Variants in IAH1 observed in about 807,000 individuals in gnomAD.
The protein encoded by IAH1 is isoamyl acetate-hydrolyzing esterase 1 homolog.
Under a neutral mutation model 26.7 loss-of-function variants are expected in IAH1, and 24 were observed. The ratio of observed to expected loss-of-function variants is 0.90; its 90% CI spans 0.65 to 1.26. The LOEUF is 1.26. Ranked by LOEUF, IAH1 falls within the 50% of genes most tolerant of loss-of-function variation. IAH1 has a pLI of 0.00. For synonymous variants in IAH1, 140 were observed against 118.5 expected, an observed-to-expected ratio of 1.18 and a Z score of -1.18; for missense variants, 300 against 299.9, an observed-to-expected ratio of 1.00 and a Z score of 0.00.
At chr2:9,512,011 A>G in the IAH1 span, among the ~76,000 whole-genome samples, 1 of 119,092 alleles carries the variant, frequency 8.4e-6, no homozygotes, top group Non-Finnish European at 2.0e-5. Context: ...ATATATATAC[A>G]TATAAACTTA....
chr2:9,500,713 C>T (rs1391646866), downstream of IAH1, among the ~76,000 whole-genome samples: 1 of 152,032 alleles, frequency 6.6e-6, no homozygotes, highest in Non-Finnish European at 1.5e-5. Context: ...AGTCAAAAAA[C>T]ATCGCAAGGG....
the IAH1 span, among the ~76,000 whole-genome samples, chr2:9,507,693 C>T: frequency 6.6e-6 from 1 of 151,838 alleles, no homozygotes; most frequent in Non-Finnish European, 1.5e-5. Flanking sequence ...TCTTCCCAGG[C>T]CCCATTCTCA....
upstream of IAH1, chr2:9,474,536 G>GTGGCC: frequency 1.7e-6 from 2 of 1,200,554 alleles, no homozygotes; most frequent in Non-Finnish European, 2.2e-6. This position sits in a 1 kb window ranked among gnomAD's most constrained non-coding sequence, Gnocchi z 4.3. Context: ...CTCGTGGCTG[G>GTGGCC]CGGCCCCGCC....
At chr2:9,505,354 G>C in the IAH1 span, 1 of 1,613,908 alleles carries the variant, frequency 6.2e-7, no homozygotes, top group Non-Finnish European at 8.5e-7. Flanking sequence ...GTTTACTGCA[G>C]TTTGAAAACA....
downstream of IAH1, among the ~76,000 whole-genome samples, chr2:9,500,933 G>A (rs1477943030): frequency 1.3e-5 from 2 of 152,170 alleles, no homozygotes; most frequent in East Asian, 3.8e-4. Context: ...AAGCAGCTGT[G>A]GAAAATATCT....
At chr2:9,493,015 T>G, downstream of IAH1, 2 of 1,553,550 alleles carry the variant, frequency 1.3e-6, no homozygotes, top group Non-Finnish European at 1.8e-6. Context: ...AGTTAATGTC[T>G]TGACCAAGTA....
At chr2:9,491,247 C>T, downstream of IAH1, 1 of 1,142,136 alleles carries the variant, frequency 8.8e-7, no homozygotes, top group Non-Finnish European at 1.3e-6. Flanking sequence ...AACTGAAGAA[C>T]TTAGAACCTG....
Position 9,487,857 on chromosome 2 carries a change from G to A in IAH1, c.565-290G>A, listed in dbSNP as rs553625625. On this transcript the variant is annotated intron_variant, in intron 5 of 5. Transcript: ENST00000497473. ...GTGCGCGCGCGCGCGCGCGCTGTGG[G>A]GGGAGACAGTCTATCACCCAGGCTG... Among the ~76,000 whole-genome samples the A allele has an allele frequency of 2.7e-5, 4 of 149,988 alleles. No individual in the cohort carries two copies. In the South Asian group the frequency reaches 6.4e-4, roughly 24 times the overall value.
At chr2:9,487,831 T>TGTGTGTGTGTGC (rs1661661421) in intron 5 of IAH1, among the ~76,000 whole-genome samples, 1 of 80,172 alleles carries the variant, frequency 1.2e-5, no homozygotes, top group African/African-American at 4.7e-5. Flanking sequence ...TGTGTGTGTG[T>TGTGTGTGTGTGC]GTGCGCGCGC....
chr2:9,495,574 TGTG>T (rs1662512286), intron 6 of IAH1, among the ~76,000 whole-genome samples: 1 of 151,908 alleles, frequency 6.6e-6, no homozygotes, highest in Non-Finnish European at 1.5e-5. Context: ...ATTAGCCAGA[TGTG>T]GTGGTGCTTG....
At chr2:9,504,461 T>A in the IAH1 span, among the ~76,000 whole-genome samples, 10 of 127,118 alleles carry the variant, frequency 7.9e-5, no homozygotes, top group Non-Finnish European at 1.2e-4. Context: ...ATAAATAAAT[T>A]AAATTAAATA....
intron 4 of IAH1, 45 bp from the exon 5 acceptor site, chr2:9,484,387 C>T: frequency 7.1e-7 from 1 of 1,413,340 alleles, no homozygotes; most frequent in Non-Finnish European, 1.0e-6. Flanking sequence ...CAAGGGCCAG[C>T]ACTTGGGTTT....
intron 3 of IAH1, 109 bp downstream of exon 3, chr2:9,478,479 C>G (rs1418051571): frequency 9.3e-7 from 1 of 1,069,838 alleles, no homozygotes; most frequent in African/African-American, 1.6e-5. Context: ...CCAATAGATA[C>G]AGTTTTGCCA....
At chr2:9,497,346 A>G (rs145331927), downstream of IAH1, 205 of 1,515,132 alleles carry the variant, frequency 1.4e-4, no homozygotes, top group African/African-American at 2.6e-3. Context: ...TGAGCATCTT[A>G]CCTTGCAAAA....
chr2:9,474,876 C>T lies in IAH1; in HGVS notation c.81+229C>T. On this transcript the variant is annotated intron_variant, in intron 1 of 5. Transcript: ENST00000497473. This position sits in a 1 kb window ranked among gnomAD's most constrained non-coding sequence, Gnocchi z 4.3. ...CGTCCGCGAGAGCCCGGGCTCCAGG[C>T]ACAGACGCGAGGGGACCCGGCCGCG... 1 of 549,244 alleles carries T rather than the reference C, an allele frequency of 1.8e-6. No individual in the cohort carries two copies. The highest frequency in any genetic ancestry group is 2.7e-6 in the Non-Finnish European group (1 of 372,444). The allele number at this position is 549,244 out of a possible 1,614,324, so 34.0% of individuals were successfully genotyped here. A position where few individuals can be genotyped will look rare whatever the true frequency, so the allele number is the denominator to read the frequency against.
the IAH1 span, among the ~76,000 whole-genome samples, chr2:9,508,897 G>C: frequency 6.6e-6 from 1 of 151,930 alleles, no homozygotes; most frequent in African/African-American, 2.4e-5. Context: ...TTGTCAAGCA[G>C]AGGAAAAATA....
downstream of IAH1, chr2:9,490,117 TTGTA>T (rs1290651004): frequency 8.3e-6 from 11 of 1,326,316 alleles, no homozygotes; most frequent in African/African-American, 1.5e-4. Context: ...TGTGATTGAT[TTGTA>T]GGTCAAATCT....
chr2:9,493,354 C>A (rs557477460), downstream of IAH1, among the ~76,000 whole-genome samples: 1 of 152,136 alleles, frequency 6.6e-6, no homozygotes, highest in Non-Finnish European at 1.5e-5. Context: ...ACATGATATA[C>A]CCTGCTTCTG....
At chr2:9,484,681 A>G in intron 5 of IAH1, 131 bp downstream of exon 5, 1 of 633,004 alleles carries the variant, frequency 1.6e-6, no homozygotes, top group Non-Finnish European at 2.8e-6. Flanking sequence ...AATGAAAACA[A>G]ACAGGCTTGG....
Sources: gnomAD v4.1 joint callset for allele counts (sites outside exome capture counted in the v4.1 genomes callset) on GRCh38, gnomAD v4.1.1 for gene constraint, Gnocchi (gnomAD v3.1) non-coding constraint, MANE v1.5 for transcripts, NCBI Gene and HGNC (gene_info 2026-07-23, HGNC 2026-07-21) for gene names.